CDH13: variants seen among roughly 807,000 people sequenced by gnomAD.
CDH13 encodes cadherin 13, also known as cadherin-13.
A neutral mutation model predicts 63.8 loss-of-function variants in CDH13; 24 were observed. The observed-to-expected ratio is 0.38, with a 90% confidence interval of 0.27 to 0.53. The LOEUF (loss-of-function observed/expected upper bound fraction) is 0.53, where lower values mean the gene tolerates loss of function less well. Ranked by LOEUF, CDH13 falls within the 20% of genes least tolerant of loss-of-function variation. The pLI is 0.85. For missense variants in CDH13, 1,049 were observed against 903.1 expected (o/e 1.16, Z -2.07); for synonymous variants, 503 against 355.3 (o/e 1.42, Z -4.67).
At chr16:82,991,376 G>A (rs139768615) in intron 2 of CDH13, among the ~76,000 whole-genome samples, 2 of 152,270 alleles carry the variant, frequency 1.3e-5, no homozygotes, top group African/African-American at 4.8e-5. Flanking sequence ...CATTCATCTA[G>A]TAAGGGGGGA....
At chr16:83,551,396 G>C (rs2075493416) in intron 7 of CDH13, among the ~76,000 whole-genome samples, 1 of 152,250 alleles carries the variant, frequency 6.6e-6, no homozygotes, top group Admixed American at 6.5e-5. Context: ...GTCTCATCAT[G>C]TTACAACCCT....
chr16:82,798,917 G>C (rs939490486), intron 1 of CDH13, among the ~76,000 whole-genome samples: 1 of 152,146 alleles, frequency 6.6e-6, no homozygotes, highest in Non-Finnish European at 1.5e-5. Flanking sequence ...TTCTCACTTT[G>C]CAGATAAAGA....
chr16:83,244,440 GT>G (rs1466253720), intron 5 of CDH13, among the ~76,000 whole-genome samples: 1 of 152,178 alleles, frequency 6.6e-6, no homozygotes, highest in Admixed American at 6.5e-5. Context: ...TGTCTATTAT[GT>G]ATAGATGCCA....
intron 7 of CDH13, among the ~76,000 whole-genome samples, chr16:83,555,588 A>C (rs777387151): frequency 6.6e-6 from 1 of 152,242 alleles, no homozygotes; most frequent in Non-Finnish European, 1.5e-5. Context: ...CCAGATGTAA[A>C]GTTAAAACAT....
chr16:83,776,407 G>T (rs1378335834), intron 11 of CDH13, among the ~76,000 whole-genome samples: 1 of 152,180 alleles, frequency 6.6e-6, no homozygotes, highest in African/African-American at 2.4e-5. Flanking sequence ...AAGTAATTAT[G>T]CATTTCTTTT....
chr16:83,261,823 A>G (rs1035626320), intron 5 of CDH13, among the ~76,000 whole-genome samples: 1 of 151,576 alleles, frequency 6.6e-6, no homozygotes, highest in African/African-American at 2.4e-5. Flanking sequence ...TTCTTGCTGT[A>G]CCTCTCAATA....
chr16:83,551,056 A>ATCTATCTATCTATCTATCTATC (rs33969753), intron 7 of CDH13, among the ~76,000 whole-genome samples: 1 of 148,354 alleles, frequency 6.7e-6, no homozygotes, highest in Non-Finnish European at 1.5e-5. Flanking sequence ...TAAGTCATTT[A>ATCTATCTATCTATCTATCTATC]TATCTATCTA....
chr16:83,779,495 A>G (rs1597219895), intron 11 of CDH13, among the ~76,000 whole-genome samples: 1 of 149,948 alleles, frequency 6.7e-6, no homozygotes, highest in East Asian at 2.0e-4. Flanking sequence ...AAAAAAATCT[A>G]TTATTGTTAG....
intron 2 of CDH13, among the ~76,000 whole-genome samples, chr16:82,987,059 A>C (rs1234083208): frequency 6.6e-6 from 1 of 152,154 alleles, no homozygotes; most frequent in Admixed American, 6.5e-5. Flanking sequence ...CCTCACACAA[A>C]ATGGCTACTC....
At chr16:83,340,794 T>G (rs1446564947) in intron 5 of CDH13, among the ~76,000 whole-genome samples, 2 of 152,204 alleles carry the variant, frequency 1.3e-5, no homozygotes, top group African/African-American at 4.8e-5. Context: ...ACTATGGAAT[T>G]AGTTATTAAA....
intron 6 of CDH13, among the ~76,000 whole-genome samples, chr16:83,399,352 A>G (rs2091933350): frequency 6.6e-6 from 1 of 152,246 alleles, no homozygotes; most frequent in South Asian, 2.1e-4. Context: ...TTGAAAATAA[A>G]TATAACTGGA....
chr16:83,149,996 C>A (rs2036907551), intron 4 of CDH13, among the ~76,000 whole-genome samples: 1 of 152,174 alleles, frequency 6.6e-6, no homozygotes, highest in South Asian at 2.1e-4. Flanking sequence ...ACTGCTCTTT[C>A]CACTTTATGT....
chr16:83,551,912 A>T (rs1028159831), intron 7 of CDH13, among the ~76,000 whole-genome samples: 2 of 152,204 alleles, frequency 1.3e-5, no homozygotes, highest in African/African-American at 4.8e-5. Context: ...AAATGGATGG[A>T]TGAATGGATG....
At chr16:83,604,931 T>C (rs1908187296) in intron 8 of CDH13, among the ~76,000 whole-genome samples, 1 of 152,208 alleles carries the variant, frequency 6.6e-6, no homozygotes, top group South Asian at 2.1e-4. Context: ...CAGACTATTG[T>C]TTTTAATGTC....
chr16:82,921,225 A>T (rs977082179), intron 2 of CDH13, among the ~76,000 whole-genome samples: 2 of 152,112 alleles, frequency 1.3e-5, no homozygotes, highest in Non-Finnish European at 2.9e-5. Context: ...AGAAGTCCAA[A>T]ATCGGCATCA....
chr16:83,100,681 A>G (rs2034432331), intron 3 of CDH13, among the ~76,000 whole-genome samples: 1 of 152,214 alleles, frequency 6.6e-6, no homozygotes, highest in East Asian at 1.9e-4. Flanking sequence ...AAAAGCATTA[A>G]TGATCCACTG....
intron 1 of CDH13, among the ~76,000 whole-genome samples, chr16:82,767,038 T>C (rs909802097): frequency 7.0e-4 from 107 of 152,352 alleles, no homozygotes; most frequent in Middle Eastern, 3.4e-3. Flanking sequence ...ATCTACCTCA[T>C]GTTTTCGATT....
intron 6 of CDH13, among the ~76,000 whole-genome samples, chr16:83,484,002 T>C (rs1448904127): frequency 6.6e-6 from 1 of 152,130 alleles, no homozygotes; most frequent in Non-Finnish European, 1.5e-5. Context: ...CCTGAGACCA[T>C]CTCACAGGGC....
At chr16:83,493,065 A>C (rs2074052964) in intron 7 of CDH13, among the ~76,000 whole-genome samples, 1 of 152,172 alleles carries the variant, frequency 6.6e-6, no homozygotes, top group Non-Finnish European at 1.5e-5. Context: ...AGACCTCTCT[A>C]AACCTCGATT....
Sources: gnomAD v4.1 joint callset for allele counts (sites outside exome capture counted in the v4.1 genomes callset) on GRCh38, gnomAD v4.1.1 for gene constraint, MANE v1.5 for transcripts, NCBI Gene and HGNC (gene_info 2026-07-23, HGNC 2026-07-21) for gene names.